BCAS3: variants seen among roughly 807,000 people sequenced by gnomAD.
BCAS3 encodes the protein BCAS4/BCAS3 fusion.
BCAS3 carries 53 observed loss-of-function variants against 116.1 expected under a neutral mutation model. That is an observed-to-expected ratio of 0.46 (90% CI 0.37 to 0.57). The LOEUF is 0.57. Among genes scored for constraint, BCAS3 ranks in the 20% least tolerant of loss-of-function variants. BCAS3 has a pLI of 0.00. For synonymous variants in BCAS3, 391 were observed against 408.2 expected, an observed-to-expected ratio of 0.96 and a Z score of 0.51; for missense variants, 917 against 1,165.4, an observed-to-expected ratio of 0.79 and a Z score of 3.10.
Position 61,267,325 on chromosome 17 carries a change from G to C in BCAS3, c.2426-101002G>C, listed in dbSNP as rs576326770. 2.0e-5 allele frequency among the ~76,000 whole-genome samples: 3 copies of C among 152,116 alleles called. No homozygotes were observed. The South Asian group carries it at 6.2e-4, about 32-fold the overall frequency. ...GCTCCCCTCGGCCTTCCAAAGTGCT[G>C]GGATTACAGGCGTGAGCCACTGCAC... is the stretch of plus-strand genomic sequence containing the variant. On this transcript the variant is annotated intron_variant, in intron 22 of 23. Coordinates refer to ENST00000407086, the MANE Select transcript of BCAS3 (RefSeq NM_017679.5).
At chr17:61,174,653 T>G (rs2079036820) in intron 22 of BCAS3, among the ~76,000 whole-genome samples, 6 of 152,240 alleles carry the variant, frequency 3.9e-5, no homozygotes, top group Admixed American at 3.9e-4. Context: ...ACTAATTTCC[T>G]TTCCTTTCTG....
chr17:61,229,105 T>C lies in BCAS3; in HGVS notation c.2426-139222T>C, dbSNP rs1313293208. On this transcript the variant is annotated intron_variant, in intron 22 of 23. Coordinates refer to ENST00000407086, the MANE Select transcript of BCAS3 (RefSeq NM_017679.5). This position sits in a 1 kb window ranked among gnomAD's most constrained non-coding sequence, Gnocchi z 4.4. ...ACCAACCACAACATTTCTCAAACTG[T>C]TGGCCTCAAGCAATCCTCTTGCCTC... is the stretch of plus-strand genomic sequence containing the variant. Among the ~76,000 whole-genome samples the C allele has an allele frequency of 6.6e-6, 1 of 152,212 alleles. No homozygotes were observed. Among genetic ancestry groups the C allele is most frequent in the Non-Finnish European group, 1.5e-5 (1 of 68,040 alleles).
chr17:61,022,216 C>G (rs985593916), intron 16 of BCAS3, among the ~76,000 whole-genome samples: 1 of 151,994 alleles, frequency 6.6e-6, no homozygotes, highest in African/African-American at 2.4e-5. Flanking sequence ...ATGATGTCTA[C>G]TATATACCAT....
At chr17:61,094,068 A>G (rs993824227) in intron 22 of BCAS3, among the ~76,000 whole-genome samples, 21 of 152,316 alleles carry the variant, frequency 1.4e-4, no homozygotes, top group African/African-American at 4.3e-4. Flanking sequence ...TGCAGAAGCA[A>G]TTGTGGGTAA....
At chr17:61,271,634 T>TGTGTGTGTGTGTG (rs71148401) in intron 22 of BCAS3, among the ~76,000 whole-genome samples, 1 of 140,502 alleles carries the variant, frequency 7.1e-6, no homozygotes, top group Non-Finnish European at 1.6e-5. Context: ...TGTGTGTGTG[T>TGTGTGTGTGTGTG]TTAGTAGAGA....
Position 61,388,682 on chromosome 17 carries a change from CA to C in BCAS3, c.2594-3292del. The C allele has an allele frequency of 6.5e-7, 1 of 1,550,354 alleles. No homozygotes were observed. Among genetic ancestry groups the C allele is most frequent in the Non-Finnish European group, 8.7e-7 (1 of 1,155,802 alleles). ...GCGTCCGTGAGCAACCCAACAGTAACAAAGCATGCGTTCGGGATGGAGGAAG... is the reference window on the plus strand; with the variant it reads ...GCGTCCGTGAGCAACCCAACAGTAACAAGCATGCGTTCGGGATGGAGGAAG... On this transcript the variant is annotated intron_variant, in intron 23 of 23. Coordinates refer to ENST00000407086, the MANE Select transcript of BCAS3 (RefSeq NM_017679.5). The surrounding 1 kb of genome is among the most constrained non-coding windows in gnomAD (Gnocchi z 6.5).
rs373780747 is a variant in BCAS3, at chr17:61,381,018, C to T, written c.2594-10959C>T. On this transcript the variant is annotated intron_variant, in intron 23 of 23. Transcript: ENST00000407086. This position sits in a 1 kb window ranked among gnomAD's most constrained non-coding sequence, Gnocchi z 6.0. ...TATTTTTACATCATTAGATTAGCCCCGACTCCTGGCCACTTGTTGTCTGCG... is the reference window on the plus strand; with the variant it reads ...TATTTTTACATCATTAGATTAGCCCTGACTCCTGGCCACTTGTTGTCTGCG... Among the ~76,000 whole-genome samples the T allele has an allele frequency of 6.6e-6, 1 of 152,200 alleles. No individual in the cohort carries two copies. The highest frequency in any genetic ancestry group is 1.5e-5 in the Non-Finnish European group (1 of 68,038).
intron 22 of BCAS3, among the ~76,000 whole-genome samples, chr17:61,178,175 G>A (rs755851492): frequency 6.6e-6 from 1 of 152,008 alleles, no homozygotes; most frequent in Non-Finnish European, 1.5e-5. Flanking sequence ...TTCCATGGAC[G>A]TCCTGCTTGG....
intron 19 of BCAS3, among the ~76,000 whole-genome samples, chr17:61,067,947 C>T (rs1334683714): frequency 2.9e-4 from 44 of 151,900 alleles, no homozygotes; most frequent in Admixed American, 2.9e-3. Context: ...TTAGCAAAAG[C>T]CTGTGTGTAG....
intron 6 of BCAS3, among the ~76,000 whole-genome samples, chr17:60,755,359 T>A (rs556999793): frequency 6.6e-6 from 1 of 152,308 alleles, no homozygotes; most frequent in Non-Finnish European, 1.5e-5. Context: ...TTTCCACTAT[T>A]CTTCAGGGTG....
intron 22 of BCAS3, among the ~76,000 whole-genome samples, chr17:61,329,348 T>A (rs931225609): frequency 9.4e-4 from 140 of 148,366 alleles, no homozygotes; most frequent in South Asian, 3.6e-3. Context: ...TTATTATTTT[T>A]TTTTTTTTTT....
At chr17:60,933,555 A>G (rs1403430248) in intron 13 of BCAS3, among the ~76,000 whole-genome samples, 1 of 152,232 alleles carries the variant, frequency 6.6e-6, no homozygotes, top group Non-Finnish European at 1.5e-5. Flanking sequence ...CATCTTTAGC[A>G]GACTTGAAAT....
chr17:60,692,052 C>CA lies in BCAS3; in HGVS notation c.214+2306dup, dbSNP rs773823418. On this transcript the variant is annotated intron_variant, in intron 4 of 23. Coordinates refer to ENST00000407086, the MANE Select transcript of BCAS3 (RefSeq NM_017679.5). ...GGGCAACAAGAGTGAAACTCTGTCT[C>CA]AAAAAAAAAAAAAAATGGAGAAACA... is the stretch of plus-strand genomic sequence containing the variant. Among the ~76,000 whole-genome samples the CA allele has an allele frequency of 6.5e-3, 718 of 109,806 alleles. 21 individuals carry two copies. Among genetic ancestry groups the CA allele is most frequent in the Admixed American group, 0.039 (404 of 10,400 alleles). 72.0% of individuals were successfully genotyped at this position (109,806 alleles called of 152,430 possible). A position where few individuals can be genotyped will look rare whatever the true frequency, so the allele number is the denominator to read the frequency against.
chr17:61,188,080 A>G lies in BCAS3; in HGVS notation c.2425+103516A>G, dbSNP rs2079884764. ...CATCTTCCAGTGTACAAATGCAGCT[A>G]ATATTTTCTCTGCTCTTGAACTTTT... is the stretch of plus-strand genomic sequence containing the variant. On this transcript the variant is annotated intron_variant, in intron 22 of 23. Transcript: ENST00000407086. This position sits in a 1 kb window ranked among gnomAD's most constrained non-coding sequence, Gnocchi z 4.0. 1.3e-5 allele frequency among the ~76,000 whole-genome samples: 2 copies of G among 152,194 alleles called. No homozygotes were observed. The highest frequency in any genetic ancestry group is 4.8e-5 in the African/African-American group (2 of 41,452).
chr17:61,104,384 A>G lies in BCAS3; in HGVS notation c.2425+19820A>G, dbSNP rs1442951473. On this transcript the variant is annotated intron_variant, in intron 22 of 23. Coordinates refer to ENST00000407086, the MANE Select transcript of BCAS3 (RefSeq NM_017679.5). The surrounding 1 kb of genome is among the most constrained non-coding windows in gnomAD (Gnocchi z 4.1). Reference sequence around the variant, plus strand: ...ACTTTTTCATCTTGTATAACTGAATAAAGAAAATTTTTTATTGAAATTAAA... The same window carrying G: ...ACTTTTTCATCTTGTATAACTGAATGAAGAAAATTTTTTATTGAAATTAAA... Among the ~76,000 whole-genome samples, 1 of 152,224 alleles carries G rather than the reference A, an allele frequency of 6.6e-6. No homozygotes were observed. Among genetic ancestry groups the G allele is most frequent in the Non-Finnish European group, 1.5e-5 (1 of 68,036 alleles).
chr17:61,328,980 C>T (rs1008742860), intron 22 of BCAS3, among the ~76,000 whole-genome samples: 3 of 150,904 alleles, frequency 2.0e-5, no homozygotes, highest in Non-Finnish European at 4.4e-5. Context: ...CCGCAACCTC[C>T]GCCTCCTGGG....
intron 14 of BCAS3, among the ~76,000 whole-genome samples, chr17:60,989,675 T>C (rs1031332236): frequency 2.0e-5 from 3 of 152,110 alleles, no homozygotes; most frequent in Non-Finnish European, 2.9e-5. Flanking sequence ...TTATCAGTTA[T>C]GTGTGTGTGT....
At chr17:61,120,467 G>A (rs7216181) in intron 22 of BCAS3, among the ~76,000 whole-genome samples, 129,754 of 152,052 alleles carry the variant, frequency 0.85, 58,796 homozygotes, top group Non-Finnish European at 1. Flanking sequence ...TTTAATGTGT[G>A]TGTGCATATA....
intron 4 of BCAS3, among the ~76,000 whole-genome samples, chr17:60,694,479 G>A (rs1339088479): frequency 1.3e-5 from 2 of 151,810 alleles, no homozygotes; most frequent in African/African-American, 4.8e-5. Context: ...CCAGCCTGGT[G>A]ACAGAGTGAG....
Sources: gnomAD v4.1 joint callset for allele counts (sites outside exome capture counted in the v4.1 genomes callset) on GRCh38, gnomAD v4.1.1 for gene constraint, Gnocchi (gnomAD v3.1) non-coding constraint, MANE v1.5 for transcripts, NCBI Gene and HGNC (gene_info 2026-07-23, HGNC 2026-07-21) for gene names.